Variants in RSRC1 observed in about 807,000 individuals in gnomAD.
RSRC1 encodes serine/Arginine-related protein 53.
A neutral mutation model predicts 49.1 loss-of-function variants in RSRC1; 39 were observed. The ratio of observed to expected loss-of-function variants is 0.79; its 90% CI spans 0.61 to 1.04. The LOEUF (loss-of-function observed/expected upper bound fraction) is 1.04. Ranked by LOEUF, RSRC1 falls within the 50% of genes least tolerant of loss-of-function variation. The probability of loss-of-function intolerance (pLI) is 0.00; values close to 1 mark genes in which losing one functional copy is unlikely to be tolerated. For synonymous variants in RSRC1, 143 were observed against 130.8 expected, an observed-to-expected ratio of 1.09 and a Z score of -0.63; for missense variants, 388 against 402.4, an observed-to-expected ratio of 0.96 and a Z score of 0.31.
rs879696307 is a variant in RSRC1, at chr3:158,327,566, T to C, written c.532-27291T>C. On this transcript the variant is annotated intron_variant, in intron 5 of 9. Transcript: ENST00000611884. ...TTTGAGTGAGTTTCTTAATCCTGAG[T>C]TCTAGTTTGATTGCACTGTGGTCTG... Among the ~76,000 whole-genome samples the C allele has an allele frequency of 1.4e-4, 22 of 152,268 alleles. No homozygotes were observed. The South Asian group carries it at 1.5e-3, about 10-fold the overall frequency.
rs557831362 is a variant in RSRC1, at chr3:158,383,936, A to C, written c.583+29028A>C. ...TATTTTTGGTATTAAAAAAAGAAAA[A>C]CTTTATGGGAAAATATTTTATAATT... On this transcript the variant is annotated intron_variant, in intron 6 of 9. Coordinates refer to ENST00000611884, the MANE Select transcript of RSRC1 (RefSeq NM_001271838.2). 2.6e-5 allele frequency among the ~76,000 whole-genome samples: 4 copies of C among 152,072 alleles called. 1 individual carries two copies. Among genetic ancestry groups the C allele is most frequent in the Admixed American group, 2.6e-4 (4 of 15,260 alleles).
intron 7 of RSRC1, among the ~76,000 whole-genome samples, chr3:158,511,066 T>G (rs1740141991): frequency 6.6e-6 from 1 of 152,036 alleles, no homozygotes; most frequent in African/African-American, 2.4e-5. Context: ...GTTAATAAAC[T>G]TTCACAATTT....
intron 7 of RSRC1, among the ~76,000 whole-genome samples, chr3:158,512,596 G>A (rs182187387): frequency 6.6e-5 from 10 of 152,052 alleles, no homozygotes; most frequent in African/African-American, 1.7e-4. Context: ...TTGGCGATGC[G>A]GGCTCTTTTT....
At chr3:158,205,989 G>C (rs1241562843) in intron 4 of RSRC1, among the ~76,000 whole-genome samples, 1 of 152,126 alleles carries the variant, frequency 6.6e-6, no homozygotes, top group Non-Finnish European at 1.5e-5. Context: ...GGTCTCTGTT[G>C]CAGCTACTGA....
chr3:158,288,647 C>G (rs73166383), intron 4 of RSRC1, among the ~76,000 whole-genome samples: 20,939 of 152,088 alleles, frequency 0.14, 1,575 homozygotes, highest in Middle Eastern at 0.21. Context: ...ATACCAAAGT[C>G]TATGGATTCT....
intron 3 of RSRC1, among the ~76,000 whole-genome samples, chr3:158,195,448 T>C (rs1292626138): frequency 2.0e-5 from 3 of 152,040 alleles, no homozygotes; most frequent in Non-Finnish European, 4.4e-5. Flanking sequence ...TTCTGTAGGT[T>C]GCCTGTTCAC....
intron 5 of RSRC1, among the ~76,000 whole-genome samples, chr3:158,326,219 A>AT (rs1729128276): frequency 6.6e-6 from 1 of 152,140 alleles, no homozygotes. Context: ...AATACCCTTT[A>AT]TTCCTTTCTC....
intron 5 of RSRC1, among the ~76,000 whole-genome samples, chr3:158,339,749 G>A (rs919080627): frequency 2.6e-5 from 4 of 152,184 alleles, no homozygotes; most frequent in Non-Finnish European, 5.9e-5. Flanking sequence ...ATGATACAGA[G>A]ATATAAGACA....
chr3:158,341,230 T>C (rs1095642), intron 5 of RSRC1, among the ~76,000 whole-genome samples: 62,814 of 152,042 alleles, frequency 0.41, 13,435 homozygotes, highest in East Asian at 0.63. Flanking sequence ...AGGAGCCTCA[T>C]GTTAATCCCC....
chr3:158,399,037 ATATT>A (rs1344109929), intron 6 of RSRC1, among the ~76,000 whole-genome samples: 7 of 150,636 alleles, frequency 4.6e-5, no homozygotes, highest in Non-Finnish European at 1.0e-4. Flanking sequence ...GAGGGTCTGA[ATATT>A]TATCATGTTT....
intron 3 of RSRC1, among the ~76,000 whole-genome samples, chr3:158,200,262 T>A (rs557034506): frequency 6.6e-6 from 1 of 152,100 alleles, no homozygotes; most frequent in Non-Finnish European, 1.5e-5. Context: ...ATGGTCTCGA[T>A]CTCCTGACCT....
At chr3:158,316,897 T>A (rs1301731836) in intron 5 of RSRC1, among the ~76,000 whole-genome samples, 1 of 152,190 alleles carries the variant, frequency 6.6e-6, no homozygotes, top group African/African-American at 2.4e-5. Flanking sequence ...AGAGTTTCAA[T>A]TTACTATGTA....
At chr3:158,197,847 G>A (rs1720735822) in intron 3 of RSRC1, among the ~76,000 whole-genome samples, 1 of 152,186 alleles carries the variant, frequency 6.6e-6, no homozygotes, top group South Asian at 2.1e-4. Flanking sequence ...TTGCACTGTG[G>A]TCTGAGAGAC....
rs1250954611 is a variant in RSRC1, at chr3:158,437,359, TGA to T, written c.584-23574_584-23573del. On this transcript the variant is annotated intron_variant, in intron 6 of 9. Coordinates refer to ENST00000611884, the MANE Select transcript of RSRC1 (RefSeq NM_001271838.2). ...TAGTAAGCACACATTGGCACTGGGC[TGA>T]GTTTTGAGGAGGCAAATGTGAATAA... 1.4e-4 allele frequency among the ~76,000 whole-genome samples: 22 copies of T among 152,218 alleles called. 1 individual carries two copies. Among genetic ancestry groups the T allele is most frequent in the Admixed American group, 1.4e-3 (21 of 15,258 alleles).
chr3:158,521,710 T>C (rs189878719), intron 7 of RSRC1, among the ~76,000 whole-genome samples: 6 of 152,242 alleles, frequency 3.9e-5, no homozygotes, highest in Admixed American at 3.9e-4. Flanking sequence ...TGCAATTTTA[T>C]GACTTAAAGC....
chr3:158,155,564 T>C (rs1717815942), intron 3 of RSRC1, among the ~76,000 whole-genome samples: 1 of 150,718 alleles, frequency 6.6e-6, no homozygotes, highest in African/African-American at 2.4e-5. Flanking sequence ...CTCAAGTAGG[T>C]GGGACTACAG....
chr3:158,430,350 G>A (rs568521937), intron 6 of RSRC1, among the ~76,000 whole-genome samples: 54 of 151,966 alleles, frequency 3.6e-4, no homozygotes, highest in Non-Finnish European at 6.9e-4. Flanking sequence ...AAGAGCTCCA[G>A]GCAGCCACTA....
intron 3 of RSRC1, among the ~76,000 whole-genome samples, chr3:158,192,103 G>A (rs1720275817): frequency 6.6e-6 from 1 of 151,538 alleles, no homozygotes; most frequent in African/African-American, 2.4e-5. Flanking sequence ...TTTGCTACTT[G>A]CAATCTATAA....
intron 6 of RSRC1, among the ~76,000 whole-genome samples, chr3:158,458,211 G>C (rs1246736338): frequency 8.4e-6 from 1 of 118,928 alleles, no homozygotes; most frequent in Non-Finnish European, 2.0e-5. Context: ...GCTGACTAAG[G>C]AGGAGCAATA....
Sources: allele counts gnomAD v4.1 joint callset (sites outside exome capture counted in the v4.1 genomes callset), GRCh38; gene constraint gnomAD v4.1.1; transcripts MANE v1.5; gene names NCBI Gene and HGNC (gene_info 2026-07-23, HGNC 2026-07-21).